The following COL4A2 variants were observed in gnomAD, a reference collection of about 807,000 sequenced individuals.
COL4A2 encodes collagen alpha-2(IV) chain.
Under a neutral mutation model 200.2 loss-of-function variants are expected in COL4A2, and 99 were observed. That is an observed-to-expected ratio of 0.49 (90% CI 0.42 to 0.58). The LOEUF (loss-of-function observed/expected upper bound fraction) is 0.58, where lower values mean the gene tolerates loss of function less well. Among genes scored for constraint, COL4A2 ranks in the 20% least tolerant of loss-of-function variants. The probability of loss-of-function intolerance (pLI) is 0.00; values close to 1 mark genes in which losing one functional copy is unlikely to be tolerated. For synonymous variants in COL4A2, 897 were observed against 900.6 expected, an observed-to-expected ratio of 1.00 and a Z score of 0.07; for missense variants, 1,950 against 2,314.1, an observed-to-expected ratio of 0.84 and a Z score of 3.23.
chr13:110,509,368 A>G (rs977900903), intron 47 of COL4A2, among the ~76,000 whole-genome samples: 2 of 151,592 alleles, frequency 1.3e-5, no homozygotes, highest in African/African-American at 4.8e-5. Context: ...GGATTCTAGG[A>G]AAGGAAGGAA....
intron 4 of COL4A2, among the ~76,000 whole-genome samples, chr13:110,398,835 C>T (rs1386642459): frequency 1.3e-5 from 2 of 152,030 alleles, no homozygotes; most frequent in African/African-American, 4.8e-5. Flanking sequence ...AGTCCATCAA[C>T]CAAATCAATT....
chr13:110,378,831 G>A (rs552631843), intron 4 of COL4A2, among the ~76,000 whole-genome samples: 4 of 152,074 alleles, frequency 2.6e-5, no homozygotes, highest in African/African-American at 9.7e-5. Flanking sequence ...ATTCGGTCCC[G>A]CGGTGTATTT....
intron 18 of COL4A2, among the ~76,000 whole-genome samples, chr13:110,449,028 C>T (rs1203579625): frequency 1.3e-5 from 2 of 149,544 alleles, no homozygotes; most frequent in Admixed American, 6.7e-5. Context: ...GTCCCTTGCA[C>T]GTGGGACTTC....
intron 4 of COL4A2, among the ~76,000 whole-genome samples, chr13:110,383,274 G>A (rs1210812889): frequency 1.3e-5 from 2 of 152,192 alleles, no homozygotes; most frequent in Non-Finnish European, 2.9e-5. Context: ...GATTTGATTA[G>A]CCATATGTAC....
At chr13:110,339,945 T>C (rs777169826) in intron 3 of COL4A2, among the ~76,000 whole-genome samples, 5 of 152,188 alleles carry the variant, frequency 3.3e-5, no homozygotes, top group Admixed American at 6.5e-5. Flanking sequence ...ACAGTAACAC[T>C]GTTTACACTG....
At chr13:110,500,264 GCTCA>G (rs1477242141) in intron 40 of COL4A2, among the ~76,000 whole-genome samples, 1 of 152,212 alleles carries the variant, frequency 6.6e-6, no homozygotes, top group African/African-American at 2.4e-5. Context: ...GTTTCGCCCA[GCTCA>G]CTATTTCCTG....
intron 46 of COL4A2, among the ~76,000 whole-genome samples, chr13:110,507,178 C>CT (rs1883916101): frequency 6.6e-6 from 1 of 152,254 alleles, no homozygotes; most frequent in Non-Finnish European, 1.5e-5. Context: ...CTCTGGGATA[C>CT]TGGCTGTGTT....
chr13:110,481,962 A>G (rs1882946627), intron 31 of COL4A2, among the ~76,000 whole-genome samples: 1 of 147,542 alleles, frequency 6.8e-6, no homozygotes. Context: ...CTGGAGACAC[A>G]CTGTTCTGTC....
chr13:110,503,177 GAC>G lies in COL4A2; in HGVS notation c.3938_3939del (p.Thr1313ArgfsTer38), dbSNP rs751142634. 22 of 1,613,900 alleles carry G rather than the reference GAC, an allele frequency of 1.4e-5. No individual in the cohort carries two copies. On this transcript the variant is annotated frameshift_variant, in exon 42 of 48. Transcript: ENST00000360467. LOFTEE classifies it high-confidence loss of function. ...GSAALPGSKG[D>X]TGNPGAPGTP... ...TGCTGCTCTTCCTGGAAGCAAAGGT[GAC>G]ACAGGGAACCCAGGAGCTCCAGGAA...
chr13:110,380,053 G>T (rs1324796772), intron 4 of COL4A2, among the ~76,000 whole-genome samples: 2 of 152,200 alleles, frequency 1.3e-5, no homozygotes, highest in Admixed American at 1.3e-4. Context: ...GTTCTGAGAG[G>T]ATCTGCTCCA....
At chr13:110,407,605 AAG>A (rs1353717761) in intron 4 of COL4A2, among the ~76,000 whole-genome samples, 2 of 152,222 alleles carry the variant, frequency 1.3e-5, no homozygotes, top group African/African-American at 4.8e-5. Context: ...GAAGGCAGCT[AAG>A]AGAGGAGATG....
At chr13:110,389,850 C>A (rs1383131828) in intron 4 of COL4A2, among the ~76,000 whole-genome samples, 5 of 131,276 alleles carry the variant, frequency 3.8e-5, no homozygotes. Flanking sequence ...TTAGTGGGTG[C>A]TTTTCTTTCT....
intron 4 of COL4A2, among the ~76,000 whole-genome samples, chr13:110,371,931 G>A (rs1371163007): frequency 2.6e-5 from 4 of 152,074 alleles, no homozygotes; most frequent in Non-Finnish European, 5.9e-5. Context: ...GAACAGACAG[G>A]GAATTGGCTC....
At chr13:110,464,480 G>C (rs1245841469) in intron 24 of COL4A2, among the ~76,000 whole-genome samples, 1 of 152,144 alleles carries the variant, frequency 6.6e-6, no homozygotes, top group Non-Finnish European at 1.5e-5. Context: ...TAAGTTTGGG[G>C]CATCTGCCCT....
chr13:110,468,323 A>G (rs1190589916), intron 27 of COL4A2: 2 of 464,150 alleles, frequency 4.3e-6, no homozygotes, highest in East Asian at 1.4e-4. Context: ...CCCCCGGTCT[A>G]ATTCCATCCA....
chr13:110,428,116 G>A (rs1348663687), intron 6 of COL4A2, among the ~76,000 whole-genome samples: 1 of 152,148 alleles, frequency 6.6e-6, no homozygotes, highest in Admixed American at 6.5e-5. Flanking sequence ...CTGAGAAGGA[G>A]GTAGCTGCTT....
chr13:110,356,852 C>T (rs1594167047), intron 3 of COL4A2, among the ~76,000 whole-genome samples: 1 of 151,918 alleles, frequency 6.6e-6, no homozygotes, highest in East Asian at 1.9e-4. Context: ...CTGCAACCTC[C>T]ACCTCCCGGT....
At chr13:110,482,996 G>A (rs1882986218) in intron 32 of COL4A2, among the ~76,000 whole-genome samples, 1 of 152,170 alleles carries the variant, frequency 6.6e-6, no homozygotes, top group Non-Finnish European at 1.5e-5. Context: ...GCAGGGGACA[G>A]GTGAGTTCCC....
At chr13:110,453,566 A>C (rs1231154715) in intron 20 of COL4A2, among the ~76,000 whole-genome samples, 2 of 152,252 alleles carry the variant, frequency 1.3e-5, no homozygotes, top group African/African-American at 4.8e-5. Flanking sequence ...CGTTGCCATT[A>C]TTCCTGTAAC....
Sources: gnomAD v4.1 joint callset for allele counts (sites outside exome capture counted in the v4.1 genomes callset) on GRCh38, gnomAD v4.1.1 for gene constraint, MANE v1.5 for transcripts, NCBI Gene and HGNC (gene_info 2026-07-23, HGNC 2026-07-21) for gene names.